The following IQCM variants were observed in gnomAD, a reference collection of about 807,000 sequenced individuals.
The protein encoded by IQCM is IQ domain-containing protein M.
Under a neutral mutation model 57.6 loss-of-function variants are expected in IQCM, and 45 were observed. The ratio of observed to expected loss-of-function variants is 0.78; its 90% CI spans 0.62 to 1.00. IQCM has a LOEUF of 1.00. Ranked by LOEUF, IQCM falls within the 50% of genes least tolerant of loss-of-function variation. The pLI, the probability that IQCM is intolerant of heterozygous loss-of-function variation, is 0.00. For synonymous variants in IQCM, 148 were observed against 158.9 expected (o/e 0.93, Z 0.51); for missense variants, 468 against 511.6 (o/e 0.91, Z 0.82).
intron 9 of IQCM, among the ~76,000 whole-genome samples, chr4:149,568,602 C>T (rs1333249137): frequency 6.6e-6 from 1 of 152,012 alleles, no homozygotes; most frequent in Admixed American, 6.6e-5. Context: ...GCCTGAGCCA[C>T]AAGGTGAAAC....
chr4:149,494,127 A>G (rs1742402974), intron 12 of IQCM, among the ~76,000 whole-genome samples: 1 of 152,058 alleles, frequency 6.6e-6, no homozygotes, highest in African/African-American at 2.4e-5. Flanking sequence ...GATACCCACA[A>G]TAAGATTCAG....
chr4:149,756,424 T>C (rs1768969394), intron 2 of IQCM, among the ~76,000 whole-genome samples: 1 of 152,070 alleles, frequency 6.6e-6, no homozygotes, highest in African/African-American at 2.4e-5. Flanking sequence ...ATCTAAACTG[T>C]CATGCAAAAT....
intron 12 of IQCM, among the ~76,000 whole-genome samples, chr4:149,444,986 G>C (rs1283250359): frequency 6.6e-6 from 1 of 151,808 alleles, no homozygotes; most frequent in Non-Finnish European, 1.5e-5. Flanking sequence ...ATTCCCATTT[G>C]GGTTGGAAAT....
intron 2 of IQCM, 53 bp from the exon 3 acceptor site, chr4:149,742,792 C>T: frequency 1.1e-6 from 1 of 872,828 alleles, no homozygotes; most frequent in Middle Eastern, 4.0e-4. Context: ...TTATTTTTAG[C>T]TATTTCTTTT....
At chr4:149,650,481 C>T (rs1032171615) in intron 7 of IQCM, among the ~76,000 whole-genome samples, 5 of 151,412 alleles carry the variant, frequency 3.3e-5, no homozygotes, top group African/African-American at 7.3e-5. Flanking sequence ...CAATCTCCAC[C>T]TCCCGGAATC....
At chr4:149,637,413 C>A (rs1757825055) in intron 7 of IQCM, among the ~76,000 whole-genome samples, 1 of 152,114 alleles carries the variant, frequency 6.6e-6, no homozygotes, top group Non-Finnish European at 1.5e-5. Flanking sequence ...ACACTATGCT[C>A]ATGGATTGAA....
At chr4:149,448,079 C>T (rs1467301696) in intron 12 of IQCM, among the ~76,000 whole-genome samples, 2 of 151,624 alleles carry the variant, frequency 1.3e-5, no homozygotes, top group African/African-American at 4.8e-5. Flanking sequence ...AATACACATT[C>T]TCGTCAATTG....
rs1045717660 is a variant in IQCM, at chr4:149,365,432, G to T, written c.1391-13366C>A. ...TGGTGAAGAAAATTTTAGTACAAAA[G>T]AATTCTTAATAAGCTTTATAGATAC... On this transcript the variant is annotated intron_variant, in intron 13 of 13. Transcript: ENST00000636793. 2.0e-5 allele frequency among the ~76,000 whole-genome samples: 3 copies of T among 152,056 alleles called. No individual in the cohort carries two copies. In the East Asian group the frequency reaches 5.8e-4, roughly 29 times the overall value.
intron 12 of IQCM, among the ~76,000 whole-genome samples, chr4:149,473,848 C>G (rs573087154): frequency 1.5e-3 from 229 of 152,226 alleles, no homozygotes; most frequent in African/African-American, 5.3e-3. Context: ...AGCTGGAAAC[C>G]ATTATTCTCA....
chr4:149,701,286 G>A (rs1763751068), intron 5 of IQCM, among the ~76,000 whole-genome samples: 2 of 151,916 alleles, frequency 1.3e-5, no homozygotes, highest in African/African-American at 4.8e-5. Context: ...GTGTTGGGGG[G>A]AAAACAAAAA....
At chr4:149,576,047 A>G (rs1232793007) in intron 9 of IQCM, among the ~76,000 whole-genome samples, 2 of 151,844 alleles carry the variant, frequency 1.3e-5, no homozygotes, top group Non-Finnish European at 2.9e-5. Flanking sequence ...CAGGAGCACT[A>G]CTTATTATAA....
chr4:149,629,199 A>G (rs1757051585), intron 7 of IQCM, among the ~76,000 whole-genome samples: 1 of 152,146 alleles, frequency 6.6e-6, no homozygotes, highest in African/African-American at 2.4e-5. Flanking sequence ...CACAGTTTCT[A>G]TTCTGCATAT....
chr4:149,681,705 A>G (rs1248858343), intron 7 of IQCM, among the ~76,000 whole-genome samples: 1 of 151,158 alleles, frequency 6.6e-6, no homozygotes, highest in Non-Finnish European at 1.5e-5. Flanking sequence ...GTTGCTTTGA[A>G]TCAATAGCCC....
intron 9 of IQCM, among the ~76,000 whole-genome samples, chr4:149,569,293 T>C (rs991395191): frequency 7.2e-5 from 11 of 152,212 alleles, no homozygotes; most frequent in African/African-American, 2.4e-4. Context: ...AACTGTCAAA[T>C]TGATTTTTTC....
In IQCM at chr4:149,695,069, T is replaced by C. The variant is rs1763239264; in HGVS notation, c.386-8601A>G. On this transcript the variant is annotated intron_variant, in intron 5 of 13. Coordinates refer to ENST00000636793, the MANE Select transcript of IQCM (RefSeq NM_001363507.2). Reference sequence around the variant, plus strand: ...TACTGACATTTCACATTCTAGTGTGTGGGCTGGGTAGATGTCATATAATTT... The same window carrying C: ...TACTGACATTTCACATTCTAGTGTGCGGGCTGGGTAGATGTCATATAATTT... 7.9e-5 allele frequency among the ~76,000 whole-genome samples: 12 copies of C among 152,248 alleles called. No homozygotes were observed. The South Asian group carries it at 2.5e-3, about 32-fold the overall frequency.
chr4:149,364,113 G>A (rs962049504), intron 13 of IQCM, among the ~76,000 whole-genome samples: 1 of 152,122 alleles, frequency 6.6e-6, no homozygotes, highest in Non-Finnish European at 1.5e-5. Flanking sequence ...GAAGACTGGA[G>A]AAGGAACAAA....
chr4:149,564,406 C>T lies in IQCM; in HGVS notation c.750-516G>A, dbSNP rs1261603524. ...GGAAAGGTGATACTGCAAACGATGA[C>T]CAGTCTGCAATACGGCTATGGGTGA... On this transcript the variant is annotated intron_variant, in intron 9 of 13. Coordinates refer to ENST00000636793, the MANE Select transcript of IQCM (RefSeq NM_001363507.2). Among the ~76,000 whole-genome samples, 4 of 152,144 alleles carry T rather than the reference C, an allele frequency of 2.6e-5. No homozygotes were observed. The East Asian group carries it at 7.7e-4, about 29-fold the overall frequency.
chr4:149,549,329 A>C (rs1459087996), intron 11 of IQCM, among the ~76,000 whole-genome samples: 3 of 151,790 alleles, frequency 2.0e-5, no homozygotes, highest in Non-Finnish European at 4.4e-5. Flanking sequence ...TCCCGGCTAA[A>C]ACGGTGAAAC....
chr4:149,457,719 C>T (rs1324506927), intron 12 of IQCM, among the ~76,000 whole-genome samples: 3 of 151,838 alleles, frequency 2.0e-5, no homozygotes, highest in African/African-American at 7.3e-5. Flanking sequence ...ATGATGCCAA[C>T]GTTATGGTTT....
Sources: allele counts gnomAD v4.1 joint callset (sites outside exome capture counted in the v4.1 genomes callset), GRCh38; gene constraint gnomAD v4.1.1; transcripts MANE v1.5; gene names NCBI Gene and HGNC (gene_info 2026-07-23, HGNC 2026-07-21).